APOH: variants seen among roughly 807,000 people sequenced by gnomAD.
APOH encodes the protein apolipoprotein H.
Under a neutral mutation model 39.8 loss-of-function variants are expected in APOH, and 48 were observed. The ratio of observed to expected loss-of-function variants is 1.21; its 90% CI spans 0.96 to 1.54. The LOEUF is 1.54. Ranked by LOEUF, APOH falls within the 40% of genes most tolerant of loss-of-function variation. The pLI is 0.00. For missense variants in APOH, 415 were observed against 421.2 expected (o/e 0.99, Z 0.13); for synonymous variants, 153 against 151.1 (o/e 1.01, Z -0.09).
At chr17:66,226,164 TA>T (rs8178832) in intron 2 of APOH, 40 bp from the exon 3 acceptor site, 87,281 of 1,395,136 alleles carry the variant, frequency 0.063, 2,864 homozygotes, top group African/African-American at 0.073. Flanking sequence ...TTCTTTGGGC[TA>T]AAAAAAAACA....
At chr17:66,225,905 G>A (rs942969375) in intron 3 of APOH, 123 bp downstream of exon 3, 5 of 574,460 alleles carry the variant, frequency 8.7e-6, no homozygotes, top group Non-Finnish European at 1.2e-5. Context: ...GACTAAAATC[G>A]ATTTGCATTT....
rs371167501 is a variant in APOH at position 66,222,762 on chromosome 17, A to G, written c.415+936T>C. Among the ~76,000 whole-genome samples the G allele has an allele frequency of 8.6e-5, 13 of 151,848 alleles. No individual in the cohort carries two copies. In the South Asian group the frequency reaches 2.7e-3, roughly 32 times the overall value. On this transcript the variant is annotated intron_variant, in intron 4 of 7. Coordinates refer to ENST00000205948, the MANE Select transcript of APOH (RefSeq NM_000042.3). ...GATTTTATATTTTTAGTAGAGACGG[A>G]GTTTCTCCATGTTGGTCAGGCTGGT...
intron 4 of APOH, among the ~76,000 whole-genome samples, chr17:66,221,289 G>GGAAGGAAA (rs1278066537): frequency 1.5e-5 from 2 of 137,700 alleles, no homozygotes; most frequent in Non-Finnish European, 3.1e-5. Context: ...AAGGAAGGAA[G>GGAAGGAAA]GAAGTCAGAA....
intron 7 of APOH, among the ~76,000 whole-genome samples, chr17:66,213,874 G>C (rs923482514): frequency 8.6e-5 from 13 of 152,026 alleles, no homozygotes; most frequent in African/African-American, 2.7e-4. Context: ...GAAAGTAGAG[G>C]CTGCAATGAG....
chr17:66,224,076 T>C (rs2073419792), intron 3 of APOH, among the ~76,000 whole-genome samples: 1 of 152,192 alleles, frequency 6.6e-6, no homozygotes, highest in South Asian at 2.1e-4. Context: ...ACCATCTCTT[T>C]TTCAGGATGA....
rs558354910 is a variant in APOH at position 66,215,868 on chromosome 17, A to C, written c.784+920T>G. ...CCATTGAGATACGGAAAAAGTAGGA[A>C]TAGTTCCTGCCTTTCAGTTCCAATC... is the stretch of plus-strand genomic sequence containing the variant. On this transcript the variant is annotated intron_variant, in intron 6 of 7. Transcript: ENST00000205948. Among the ~76,000 whole-genome samples the C allele has an allele frequency of 4.6e-5, 7 of 152,296 alleles. No homozygotes were observed. The South Asian group carries it at 1.5e-3, about 32-fold the overall frequency.
intron 2 of APOH, 129 bp from the exon 3 acceptor site, chr17:66,226,253 A>T: frequency 3.0e-6 from 2 of 658,558 alleles, no homozygotes; most frequent in Non-Finnish European, 5.1e-6. Context: ...TGGTTCAATA[A>T]CTTTACTGGT....
chr17:66,226,895 AT>A (rs748060781), intron 2 of APOH, among the ~76,000 whole-genome samples: 105 of 108,032 alleles, frequency 9.7e-4, no homozygotes, highest in African/African-American at 3.1e-3. Flanking sequence ...TTATTTATTT[AT>A]TTTTTTTTTT....
chr17:66,212,190 T>G lies in APOH; in HGVS notation c.983-2A>C, dbSNP rs113474683. 11 of 1,613,098 alleles carry G rather than the reference T, an allele frequency of 6.8e-6. No individual in the cohort carries two copies. The highest frequency in any genetic ancestry group is 1.7e-4 in the Middle Eastern group (1 of 6,060). ...TCCAAAAAGCCAGAGAACTGTGTTC[T>G]GTTGGGGGAGAAAAAGATAAACATT... On this transcript the variant is annotated splice_acceptor_variant, in intron 7 of 7. Coordinates refer to ENST00000205948, the MANE Select transcript of APOH (RefSeq NM_000042.3). LOFTEE classifies it high-confidence loss of function.
At chr17:66,219,404 G>A (rs978114603) in intron 5 of APOH, among the ~76,000 whole-genome samples, 5 of 151,832 alleles carry the variant, frequency 3.3e-5, no homozygotes, top group African/African-American at 1.2e-4. Context: ...ATACGTCTAG[G>A]TGAAATTGAA....
intron 7 of APOH, among the ~76,000 whole-genome samples, chr17:66,213,365 TTTTGCTCTAATGGATAC>T (rs1209564467): frequency 2.0e-4 from 30 of 152,338 alleles, no homozygotes; most frequent in African/African-American, 5.5e-4. Flanking sequence ...CCTTAAAATA[TTTTGCTCTAATGGATAC>T]TTTGCTCTAA....
chr17:66,215,349 C>T (rs963969722), intron 6 of APOH, among the ~76,000 whole-genome samples: 6 of 152,176 alleles, frequency 3.9e-5, no homozygotes, highest in African/African-American at 1.2e-4. Flanking sequence ...TTGTCAGGCC[C>T]CATCCCAGAT....
At chr17:66,228,292 A>G in intron 1 of APOH, 96 bp from the exon 2 acceptor site, 1 of 1,320,946 alleles carries the variant, frequency 7.6e-7, no homozygotes, top group African/African-American at 1.5e-5. Context: ...ACTGTTACCA[A>G]TTATAAGCAT....
chr17:66,212,102 G>A lies in APOH; in HGVS notation c.*31C>T, dbSNP rs1349690950. The A allele has an allele frequency of 6.3e-7, 1 of 1,580,518 alleles. No individual in the cohort carries two copies. Among genetic ancestry groups the A allele is most frequent in the Non-Finnish European group, 8.7e-7 (1 of 1,150,570 alleles). ...TTCCTTGGATGAACAAGAAACAAGT[G>A]TGACATTTTGTGTGGAATCTGAAAA... On this transcript the variant is annotated 3_prime_UTR_variant, in exon 8 of 8. Coordinates refer to ENST00000205948, the MANE Select transcript of APOH (RefSeq NM_000042.3).
intron 3 of APOH, among the ~76,000 whole-genome samples, chr17:66,224,690 A>G (rs2073427040): frequency 1.6e-5 from 1 of 60,762 alleles, no homozygotes; most frequent in South Asian, 6.6e-4. Flanking sequence ...AGGGAAGGGA[A>G]GGGAAAGGAA....
chr17:66,216,805 G>T lies in APOH; in HGVS notation c.767C>A (p.Ala256Asp). The T allele has an allele frequency of 6.2e-7, 1 of 1,603,244 alleles. No individual in the cohort carries two copies. The highest frequency in any genetic ancestry group is 8.5e-7 in the Non-Finnish European group (1 of 1,175,562). Residue 256 changes from alanine (A) to aspartate (D), a missense_variant, in exon 6 of 8, where the codon GCC becomes GAC. Physicochemically the swap from Ala to Asp is moderately radical, Grantham distance 126 (BLOSUM62 -2). Coordinates refer to ENST00000205948, the MANE Select transcript of APOH (RefSeq NM_000042.3). ...TTCCATACCTTTACAACTTGGCATG[G>T]CAGACCAGTTTCCCAGTTTGGTACA... ...IECTKLGNWS[A>D]MPSCKASCKV...
At chr17:66,227,067 A>G (rs145706684) in intron 2 of APOH, among the ~76,000 whole-genome samples, 5,265 of 152,046 alleles carry the variant, frequency 0.035, 128 homozygotes, top group Middle Eastern at 0.065. Context: ...TATTTTTAGT[A>G]GAGACGAGGT....
At chr17:66,214,227 T>C (rs2073351050) in intron 7 of APOH, among the ~76,000 whole-genome samples, 1 of 152,030 alleles carries the variant, frequency 6.6e-6, no homozygotes, top group Non-Finnish European at 1.5e-5. Context: ...AGCAATTAAT[T>C]TTTGTATTTT....
At chr17:66,218,668 G>T (rs1457409022) in intron 5 of APOH, among the ~76,000 whole-genome samples, 2 of 152,166 alleles carry the variant, frequency 1.3e-5, no homozygotes, top group Non-Finnish European at 2.9e-5. Flanking sequence ...AAGACAACTA[G>T]CCTGTACTCT....
Sources: gnomAD v4.1 joint callset for allele counts (sites outside exome capture counted in the v4.1 genomes callset) on GRCh38, gnomAD v4.1.1 for gene constraint, MANE v1.5 for transcripts, NCBI Gene and HGNC (gene_info 2026-07-23, HGNC 2026-07-21) for gene names.